The following GOLT1B variants were observed in gnomAD, a reference collection of about 807,000 sequenced individuals.
GOLT1B encodes vesicle transport protein GOT1B.
Under a neutral mutation model 15.4 loss-of-function variants are expected in GOLT1B, and 3 were observed. That is an observed-to-expected ratio of 0.19 (90% CI 0.09 to 0.50). The LOEUF (loss-of-function observed/expected upper bound fraction) is 0.50. GOLT1B is among the 20% of genes least tolerant of loss of function. GOLT1B has a pLI of 0.97. For missense variants in GOLT1B, 145 were observed against 160.4 expected, an observed-to-expected ratio of 0.90 and a Z score of 0.52; for synonymous variants, 65 against 56.2, an observed-to-expected ratio of 1.16 and a Z score of -0.70.
rs1465683115 is a variant in GOLT1B at position 21,517,131 on chromosome 12, T to A, written c.*1424T>A. ...TATAATTGAAATCTGTGGTATTTATTTACAAACATGTCTACAAAAATAGAT... is the reference window on the plus strand; with the variant it reads ...TATAATTGAAATCTGTGGTATTTATATACAAACATGTCTACAAAAATAGAT... On this transcript the variant is annotated 3_prime_UTR_variant, in exon 5 of 5. Coordinates refer to ENST00000229314, the MANE Select transcript of GOLT1B (RefSeq NM_016072.5). 1 of 152,508 alleles carries A rather than the reference T, an allele frequency of 6.6e-6. No homozygotes were observed. The highest frequency in any genetic ancestry group is 1.5e-5 in the Non-Finnish European group (1 of 67,908). 9.4% of individuals were successfully genotyped at this position (152,508 alleles called of 1,614,324 possible). A position where few individuals can be genotyped will look rare whatever the true frequency, so the allele number is the denominator to read the frequency against.
intron 1 of GOLT1B, among the ~76,000 whole-genome samples, chr12:21,505,932 C>G (rs1943675417): frequency 6.6e-6 from 1 of 151,972 alleles, no homozygotes; most frequent in Non-Finnish European, 1.5e-5. Context: ...GTACATCTGT[C>G]ACCTTAGAAG....
In GOLT1B at chr12:21,517,031, T is replaced by G. The variant is rs1943761281; in HGVS notation, c.*1324T>G. The G allele has an allele frequency of 6.6e-6, 1 of 152,542 alleles. No homozygotes were observed. Among genetic ancestry groups the G allele is most frequent in the Admixed American group, 6.5e-5 (1 of 15,270 alleles). The allele number at this position is 152,542 out of a possible 1,614,324, so 9.4% of individuals were successfully genotyped here. A position where few individuals can be genotyped will look rare whatever the true frequency, so the allele number is the denominator to read the frequency against. ...ATGTAGGGAAACATTTCAACAGCCA[T>G]AGTACTATTTGTTTTACCACTGATT... On this transcript the variant is annotated 3_prime_UTR_variant, in exon 5 of 5. Transcript: ENST00000229314.
In GOLT1B at chr12:21,501,831, G is replaced by A. The variant is rs985857332; in HGVS notation, c.-93G>A. ...GTTTCCGGAAGACGTGGCGGCTCTC[G>A]CCTGGGCTGTTTCCCGGCTTCATTT... is the stretch of plus-strand genomic sequence containing the variant. On this transcript the variant is annotated 5_prime_UTR_variant, in exon 1 of 5. Transcript: ENST00000229314. 3.4e-6 allele frequency: 3 copies of A among 879,238 alleles called. No homozygotes were observed. Among genetic ancestry groups the A allele is most frequent in the African/African-American group, 3.2e-5 (2 of 62,164 alleles). 54.5% of individuals were successfully genotyped at this position (879,238 alleles called of 1,614,324 possible).
At chr12:21,510,491 G>C (rs1591762361) in intron 3 of GOLT1B, among the ~76,000 whole-genome samples, 2 of 152,304 alleles carry the variant, frequency 1.3e-5, no homozygotes, top group East Asian at 3.9e-4. Context: ...AGGTTTCGTG[G>C]TTTAGAGAGC....
chr12:21,508,040 C>A, intron 2 of GOLT1B: 1 of 436,232 alleles, frequency 2.3e-6, no homozygotes, highest in Non-Finnish European at 4.5e-6. Flanking sequence ...CTTGCCAACT[C>A]ATCTGCTTGA....
chr12:21,501,978 G>A (rs1372781928), intron 1 of GOLT1B, 30 bp downstream of exon 1: 1 of 1,560,208 alleles, frequency 6.4e-7, no homozygotes, highest in South Asian at 1.1e-5. Context: ...CCCCCGCCTC[G>A]AGCCGCGCAC....
In GOLT1B at chr12:21,501,922, C is replaced by T; in HGVS notation, c.-2C>T. On this transcript the variant is annotated 5_prime_UTR_variant, in exon 1 of 5. Coordinates refer to ENST00000229314, the MANE Select transcript of GOLT1B (RefSeq NM_016072.5). ...GTCGCCGCTGTCCCCACCACTGCAG[C>T]CATGATCTCCTTAACGGACACGCAG... The T allele has an allele frequency of 1.9e-6, 3 of 1,607,012 alleles. No individual in the cohort carries two copies. The highest frequency in any genetic ancestry group is 2.6e-6 in the Non-Finnish European group (3 of 1,173,536).
rs547318702 is a variant in GOLT1B, at chr12:21,512,146, A to C, written c.297-149A>C. The C allele has an allele frequency of 3.1e-5, 18 of 581,062 alleles. No individual in the cohort carries two copies. In the South Asian group the frequency reaches 4.1e-4, roughly 13 times the overall value. 36.0% of individuals were successfully genotyped at this position (581,062 alleles called of 1,614,324 possible). A position where few individuals can be genotyped will look rare whatever the true frequency, so the allele number is the denominator to read the frequency against. The stretch of plus-strand genomic sequence containing the variant: ...TCACATTTTTACCAACAATCACAAA[A>C]TTTTTAATTAAGTTTGTAGTTATTT... On this transcript the variant is annotated intron_variant, in intron 3 of 4. Transcript: ENST00000229314.
chr12:21,501,838 CT>C lies in GOLT1B; in HGVS notation c.-85del. On this transcript the variant is annotated 5_prime_UTR_variant, in exon 1 of 5. Transcript: ENST00000229314. ...GAAGACGTGGCGGCTCTCGCCTGGG[CT>C]GTTTCCCGGCTTCATTTCTCCCGAC... 1.1e-6 allele frequency: 1 copy of C among 927,194 alleles called. No individual in the cohort carries two copies. The allele number at this position is 927,194 out of a possible 1,614,324, so 57.4% of individuals were successfully genotyped here. A position where few individuals can be genotyped will look rare whatever the true frequency, so the allele number is the denominator to read the frequency against.
Position 21,503,014 on chromosome 12 carries a change from A to G in GOLT1B, c.25+1066A>G, listed in dbSNP as rs759221792. On this transcript the variant is annotated intron_variant, in intron 1 of 4. Coordinates refer to ENST00000229314, the MANE Select transcript of GOLT1B (RefSeq NM_016072.5). ...CTTCACAGAGCTTCTAAGGCCTCCT[A>G]CACACACTGCCACCCCCCAATCAGG... 3.9e-5 allele frequency among the ~76,000 whole-genome samples: 6 copies of G among 152,190 alleles called. No individual in the cohort carries two copies. The East Asian group carries it at 7.7e-4, about 20-fold the overall frequency.
Position 21,501,963 on chromosome 12 carries a change from CG to C in GOLT1B, c.25+19del. On this transcript the variant is annotated intron_variant, in intron 1 of 4. Coordinates refer to ENST00000229314, the MANE Select transcript of GOLT1B (RefSeq NM_016072.5). ...GGACACGCAGAGTAAGCACCTGCTC[CG>C]GGGCCCCCGCCTCGAGCCGCGCACA... 1.3e-6 allele frequency: 2 copies of C among 1,595,108 alleles called. No individual in the cohort carries two copies. The highest frequency in any genetic ancestry group is 1.7e-6 in the Non-Finnish European group (2 of 1,163,274).
At position 21,517,025 on chromosome 12, in the gene GOLT1B, C is replaced by T. The variant is rs11046098; in HGVS notation, c.*1318C>T. 29,007 of 152,382 alleles carry T rather than the reference C, an allele frequency of 0.19. 3,264 individuals carry two copies. Among genetic ancestry groups the T allele is most frequent in the South Asian group, 0.32 (1,525 of 4,818 alleles). The allele number at this position is 152,382 out of a possible 1,614,324, so 9.4% of individuals were successfully genotyped here. ...TGGTAGATGTAGGGAAACATTTCAACAGCCATAGTACTATTTGTTTTACCA... is the reference window on the plus strand; with the variant it reads ...TGGTAGATGTAGGGAAACATTTCAATAGCCATAGTACTATTTGTTTTACCA... On this transcript the variant is annotated 3_prime_UTR_variant, in exon 5 of 5. Transcript: ENST00000229314.
In GOLT1B at chr12:21,516,386, A is replaced by G. The variant is rs1047745584; in HGVS notation, c.*679A>G. ...ATTATAGCTAAGTTTTGTCAGCAGC[A>G]TACTCCGGAAAGTCTCATACTTCTT... On this transcript the variant is annotated 3_prime_UTR_variant, in exon 5 of 5. Transcript: ENST00000229314. 1 of 152,144 alleles carries G rather than the reference A, an allele frequency of 6.6e-6. No homozygotes were observed. The highest frequency in any genetic ancestry group is 2.4e-5 in the African/African-American group (1 of 41,448). The allele number at this position is 152,144 out of a possible 1,614,324, so 9.4% of individuals were successfully genotyped here.
At position 21,516,767 on chromosome 12, in the gene GOLT1B, T is replaced by C. The variant is rs931493053; in HGVS notation, c.*1060T>C. The stretch of plus-strand genomic sequence containing the variant: ...TGAGTTTTCCCTTATTTTCAGCTTT[T>C]TCCTAGCATATAATAGTCATTAAGC... On this transcript the variant is annotated 3_prime_UTR_variant, in exon 5 of 5. Coordinates refer to ENST00000229314, the MANE Select transcript of GOLT1B (RefSeq NM_016072.5). 11 of 152,112 alleles carry C rather than the reference T, an allele frequency of 7.2e-5. No homozygotes were observed. The highest frequency in any genetic ancestry group is 2.4e-4 in the African/African-American group (10 of 41,464). The allele number at this position is 152,112 out of a possible 1,614,324, so 9.4% of individuals were successfully genotyped here. A position where few individuals can be genotyped will look rare whatever the true frequency, so the allele number is the denominator to read the frequency against.
Position 21,516,984 on chromosome 12 carries a change from G to C in GOLT1B, c.*1277G>C, listed in dbSNP as rs920027412. On this transcript the variant is annotated 3_prime_UTR_variant, in exon 5 of 5. Transcript: ENST00000229314. ...ATAGCTGTTTTCTTTAGTTTTACAA[G>C]ATGTGACAGCTTTAGTGGTAGATGT... 1 of 152,406 alleles carries C rather than the reference G, an allele frequency of 6.6e-6. No homozygotes were observed. The highest frequency in any genetic ancestry group is 6.6e-5 in the Admixed American group (1 of 15,260). The allele number at this position is 152,406 out of a possible 1,614,324, so 9.4% of individuals were successfully genotyped here.
intron 1 of GOLT1B, among the ~76,000 whole-genome samples, chr12:21,504,330 GA>G (rs1943662962): frequency 1.3e-5 from 2 of 152,178 alleles, no homozygotes; most frequent in South Asian, 4.1e-4. Context: ...AATGCATACG[GA>G]TAGGGAAAAG....
In GOLT1B at chr12:21,502,013, C is replaced by G. The variant is rs1430900211; in HGVS notation, c.25+65C>G. 2.6e-6 allele frequency: 3 copies of G among 1,170,298 alleles called. No individual in the cohort carries two copies. The East Asian group carries it at 7.0e-5, about 27-fold the overall frequency. 72.5% of individuals were successfully genotyped at this position (1,170,298 alleles called of 1,614,324 possible). Reference sequence around the variant, plus strand: ...CACCCATCGCCCGGCTGGGTCTCGCCCCTCCGCCGGGGTCAATGAATGAAG... The same window carrying G: ...CACCCATCGCCCGGCTGGGTCTCGCGCCTCCGCCGGGGTCAATGAATGAAG... On this transcript the variant is annotated intron_variant, in intron 1 of 4. Coordinates refer to ENST00000229314, the MANE Select transcript of GOLT1B (RefSeq NM_016072.5).
At chr12:21,513,070 CAAAAAAAAAAAA>C (rs58392364) in intron 4 of GOLT1B, among the ~76,000 whole-genome samples, 1 of 110,406 alleles carries the variant, frequency 9.1e-6, no homozygotes, top group Non-Finnish European at 1.9e-5. Context: ...GACCCTGTCT[CAAAAAAAAAAAA>C]AAAAAAAAAA....
In GOLT1B at chr12:21,506,981, GT is replaced by G; in HGVS notation, c.117+10del. The G allele has an allele frequency of 8.9e-7, 1 of 1,128,754 alleles. No homozygotes were observed. Among genetic ancestry groups the G allele is most frequent in the Non-Finnish European group, 1.3e-6 (1 of 749,390 alleles). The allele number at this position is 1,128,754 out of a possible 1,614,324, so 69.9% of individuals were successfully genotyped here. ...GCACTACTGGCTATTGGAAATGTGA[GT>G]TTTTAAATATATATTTTAACTAAAT... On this transcript the variant is annotated splice_donor_region_variant and intron_variant, in intron 2 of 4. Transcript: ENST00000229314.
Sources: allele counts gnomAD v4.1 joint callset (sites outside exome capture counted in the v4.1 genomes callset), GRCh38; gene constraint gnomAD v4.1.1; transcripts MANE v1.5; gene names NCBI Gene and HGNC (gene_info 2026-07-23, HGNC 2026-07-21).